PLXNA1: variants seen among roughly 807,000 people sequenced by gnomAD.
The protein encoded by PLXNA1 is plexin A1.
A neutral mutation model predicts 191.7 loss-of-function variants in PLXNA1; 77 were observed. The observed-to-expected ratio is 0.40, with a 90% CI of 0.33 to 0.49. The LOEUF is 0.49. Among genes scored for constraint, PLXNA1 ranks in the 20% least tolerant of loss-of-function variants. The pLI is 0.63. For synonymous variants in PLXNA1, 1,137 were observed against 1,156.4 expected, an observed-to-expected ratio of 0.98 and a Z score of 0.34; for missense variants, 2,110 against 2,660.2, an observed-to-expected ratio of 0.79 and a Z score of 4.55.
At chr3:126,997,991 G>C (rs184984097) in intron 3 of PLXNA1, among the ~76,000 whole-genome samples, 1 of 152,320 alleles carries the variant, frequency 6.6e-6, no homozygotes, top group African/African-American at 2.4e-5. Context: ...AGGCACATGG[G>C]GCCTGTGGTC....
chr3:127,005,527 C>T (rs2079062668), intron 7 of PLXNA1, among the ~76,000 whole-genome samples: 2 of 152,194 alleles, frequency 1.3e-5, no homozygotes, highest in Admixed American at 1.3e-4. Context: ...TAGGAATAGC[C>T]ATAGACACAT....
chr3:126,994,809 CCTT>C (rs1295921371), intron 3 of PLXNA1, among the ~76,000 whole-genome samples: 3 of 152,144 alleles, frequency 2.0e-5, no homozygotes, highest in Non-Finnish European at 4.4e-5. Flanking sequence ...TGCCCTGCCT[CCTT>C]CTTGCTCTCA....
intron 3 of PLXNA1, 124 bp downstream of exon 3, chr3:126,991,690 G>A (rs2078991713): frequency 1.2e-5 from 13 of 1,079,354 alleles, no homozygotes; most frequent in South Asian, 1.8e-5. Context: ...CGTACAGGGG[G>A]CAGGGGGAAT....
chr3:127,009,017 G>T (rs2079082812), intron 9 of PLXNA1, among the ~76,000 whole-genome samples: 1 of 152,176 alleles, frequency 6.6e-6, no homozygotes, highest in African/African-American at 2.4e-5. Context: ...GCCAGGCCAA[G>T]GTGTCCTGGG....
intron 21 of PLXNA1, among the ~76,000 whole-genome samples, 174 bp downstream of exon 21, chr3:127,020,518 G>C (rs929011708): frequency 2.6e-5 from 4 of 152,058 alleles, no homozygotes; most frequent in Non-Finnish European, 5.9e-5. Context: ...CTGGGAGGCA[G>C]AACCAAGACC....
intron 20 of PLXNA1, among the ~76,000 whole-genome samples, chr3:127,019,972 T>C (rs1404813201): frequency 6.6e-6 from 1 of 152,200 alleles, no homozygotes. Context: ...TGCTGATGCT[T>C]TCTCTGCCCT....
Position 127,032,461 on chromosome 3 carries a change from C to T in PLXNA1, c.5306C>T (p.Thr1769Met). The T allele has an allele frequency of 6.2e-7, 1 of 1,614,090 alleles. No homozygotes were observed. The highest frequency in any genetic ancestry group is 8.5e-7 in the Non-Finnish European group (1 of 1,180,026). Residue 1769 changes from threonine to methionine, a missense_variant, in exon 30 of 32, where the codon ACG becomes ATG. Physicochemically the swap from Thr to Met is moderately conservative, Grantham distance 81. Transcript: ENST00000393409. ...TTCGACATTCACAAGAACAGCATCA[C>T]GGACGCCTGCTTGTCGGTGGTGGCC... The part of the protein sequence containing the change: ...FVFDIHKNSI[T>M]DACLSVVAQT...
In PLXNA1 at chr3:127,014,165, C is replaced by G. The variant is rs751984329; in HGVS notation, c.2411-17C>G. 1 of 1,611,886 alleles carries G rather than the reference C, an allele frequency of 6.2e-7. No individual in the cohort carries two copies. Among genetic ancestry groups the G allele is most frequent in the South Asian group, 1.1e-5 (1 of 91,008 alleles). On this transcript the variant is annotated splice_polypyrimidine_tract_variant and intron_variant, in intron 11 of 31. Coordinates refer to ENST00000393409, the MANE Select transcript of PLXNA1 (RefSeq NM_032242.4). ...GGGCAGTGGGCGGGCCCGAGCTGAC[C>G]GCACCCCTCCCCACAGCGCACCTCT...
intron 1 of PLXNA1, among the ~76,000 whole-genome samples, chr3:126,983,826 C>T (rs906428509): frequency 3.9e-5 from 6 of 151,966 alleles, no homozygotes; most frequent in African/African-American, 1.4e-4. Flanking sequence ...ATCGGAGCCT[C>T]CCAGCAGGGC....
chr3:127,030,501 C>T, intron 29 of PLXNA1, 89 bp downstream of exon 29: 1 of 1,491,080 alleles, frequency 6.7e-7, no homozygotes, highest in Non-Finnish European at 9.1e-7. Context: ...TCCGGAGCCC[C>T]CACTTGGGGC....
intron 23 of PLXNA1, among the ~76,000 whole-genome samples, chr3:127,025,282 T>C (rs1444849879): frequency 2.0e-5 from 3 of 152,236 alleles, no homozygotes; most frequent in Non-Finnish European, 4.4e-5. Flanking sequence ...CCATAAGTTA[T>C]GCCTTTTCCA....
rs1249237522 is a variant in PLXNA1, at chr3:127,034,013, G to T, written c.5687G>T (p.Ser1896Ile). The stretch of plus-strand genomic sequence containing the variant: ...GTGGTGGACACGATGGCCCTGAGCA[G>T]CTGAGCCCCAGCTGTGATCATCCAG... ...EQVVDTMALS[S>I] The change falls in exon 32 of 32, where the codon AGC becomes ATC. Residue 1896 changes from serine (S) to isoleucine (I), a missense_variant. Physicochemically the swap from Ser to Ile is moderately radical, Grantham distance 142. Coordinates refer to ENST00000393409, the MANE Select transcript of PLXNA1 (RefSeq NM_032242.4). 2 of 1,598,498 alleles carry T rather than the reference G, an allele frequency of 1.3e-6. No homozygotes were observed. Among genetic ancestry groups the T allele is most frequent in the Admixed American group, 1.7e-5 (1 of 57,778 alleles).
Position 127,030,362 on chromosome 3 carries a change from C to T in PLXNA1, c.5181C>T (p.Asp1727=), listed in dbSNP as rs1208952054. Residue 1727 remains aspartate, a synonymous_variant, in exon 29 of 32, where the codon GAC becomes GAT. Coordinates refer to ENST00000393409, the MANE Select transcript of PLXNA1 (RefSeq NM_032242.4). ...TCGACTTCCTGGATGAGCAGGCCGA[C>T]AAGCACCAGATCCACGATGCTGACG... The part of the protein sequence containing the change: ...YMFDFLDEQA[D]KHQIHDADVR... 1.9e-6 allele frequency: 3 copies of T among 1,614,032 alleles called. No homozygotes were observed. The highest frequency in any genetic ancestry group is 2.5e-6 in the Non-Finnish European group (3 of 1,180,018).
At chr3:127,020,496 G>A (rs1389609549) in intron 21 of PLXNA1, 152 bp downstream of exon 21, 2 of 981,784 alleles carry the variant, frequency 2.0e-6, no homozygotes, top group African/African-American at 1.6e-5. Context: ...TCAGCCAAGT[G>A]GGGAGCAGGT....
intron 15 of PLXNA1, 80 bp from the exon 16 acceptor site, chr3:127,016,437 A>T: frequency 7.7e-7 from 1 of 1,293,924 alleles, no homozygotes; most frequent in Non-Finnish European, 1.1e-6. Flanking sequence ...CGCTGTTCCC[A>T]CCGTCCCTCA....
At chr3:127,005,801 C>T (rs1017817571) in intron 7 of PLXNA1, among the ~76,000 whole-genome samples, 7 of 152,090 alleles carry the variant, frequency 4.6e-5, no homozygotes, top group Non-Finnish European at 5.9e-5. Context: ...TGCCACAGCC[C>T]GTTGGACAGT....
intron 3 of PLXNA1, among the ~76,000 whole-genome samples, chr3:126,994,061 A>G (rs750414273): frequency 8.6e-5 from 13 of 151,982 alleles, no homozygotes; most frequent in South Asian, 2.1e-4. Context: ...GGGGTGTGTG[A>G]TGAGTGTTGA....
At chr3:126,985,362 A>G (rs2078953118) in intron 1 of PLXNA1, among the ~76,000 whole-genome samples, 1 of 151,954 alleles carries the variant, frequency 6.6e-6, no homozygotes, top group African/African-American at 2.4e-5. Context: ...AGGCCAGTCT[A>G]GCCTCCCCTG....
At chr3:126,990,738 G>T (rs924391436) in intron 2 of PLXNA1, among the ~76,000 whole-genome samples, 1 of 152,224 alleles carries the variant, frequency 6.6e-6, no homozygotes, top group African/African-American at 2.4e-5. Flanking sequence ...GCCTGTGTGA[G>T]GCAGGGCCCA....
Sources: allele counts gnomAD v4.1 joint callset (sites outside exome capture counted in the v4.1 genomes callset), GRCh38; gene constraint gnomAD v4.1.1; transcripts MANE v1.5; gene names NCBI Gene and HGNC (gene_info 2026-07-23, HGNC 2026-07-21).